The following GALNT9 variants were observed in gnomAD, a reference collection of about 807,000 sequenced individuals.
GALNT9 encodes the protein polypeptide N-acetylgalactosaminyltransferase 9, also known as GalNAc transferase 9.
In GALNT9, 47 loss-of-function variants were observed where a neutral mutation model predicts 63.1. That is an observed-to-expected ratio of 0.75 (90% CI 0.59 to 0.95). The LOEUF (loss-of-function observed/expected upper bound fraction) is 0.95. Among genes scored for constraint, GALNT9 ranks in the 40% least tolerant of loss-of-function variants. The probability of loss-of-function intolerance (pLI) is 0.00; values close to 1 mark genes in which losing one functional copy is unlikely to be tolerated. For synonymous variants in GALNT9, 396 were observed against 365.7 expected (o/e 1.08, Z -0.94); for missense variants, 829 against 874.8 (o/e 0.95, Z 0.66).
rs1490389543 is a variant in GALNT9, at chr12:132,313,833, C to CCCAT, written c.238+15129_238+15132dup. ...ACCCATCCACCCACCCAGCCACCCA[C>CCCAT]CCATCCATCCACATATCTACCCATC... On this transcript the variant is annotated intron_variant, in intron 1 of 10. Coordinates refer to ENST00000328957, the MANE Select transcript of GALNT9 (RefSeq NM_001122636.2). Among the ~76,000 whole-genome samples the CCCAT allele has an allele frequency of 2.9e-3, 268 of 92,484 alleles. 3 individuals carry two copies. Among genetic ancestry groups the CCCAT allele is most frequent in the African/African-American group, 8.6e-3 (193 of 22,568 alleles). 60.7% of individuals were successfully genotyped at this position (92,484 alleles called of 152,430 possible).
intron 1 of GALNT9, among the ~76,000 whole-genome samples, chr12:132,308,127 G>A (rs529117406): frequency 8.5e-4 from 130 of 152,316 alleles, no homozygotes; most frequent in Non-Finnish European, 1.7e-3. Flanking sequence ...TGCGTGTGAC[G>A]GAGGCAGAGG....
At chr12:132,203,478 C>T in intron 7 of GALNT9, 27 bp downstream of exon 7, 1 of 1,610,842 alleles carries the variant, frequency 6.2e-7, no homozygotes, top group Non-Finnish European at 8.5e-7. Flanking sequence ...GGGCATGGCC[C>T]CGGCTCCCGG....
In GALNT9 at chr12:132,245,738, C is replaced by T. The variant is rs114189081; in HGVS notation, c.1077+2172G>A. Among the ~76,000 whole-genome samples, 983 of 152,376 alleles carry T rather than the reference C, an allele frequency of 6.5e-3. 14 individuals carry two copies. The highest frequency in any genetic ancestry group is 0.022 in the African/African-American group (929 of 41,598). On this transcript the variant is annotated intron_variant, in intron 6 of 10. Coordinates refer to ENST00000328957, the MANE Select transcript of GALNT9 (RefSeq NM_001122636.2). This position sits in a 1 kb window ranked among gnomAD's most constrained non-coding sequence, Gnocchi z 6.3. ...TGAGCCTGAGCCTGGGATGCACCCA[C>T]GACCCAGCCTCCTGGGACCTCCTCT...
intron 2 of GALNT9, among the ~76,000 whole-genome samples, chr12:132,268,222 C>A (rs1879727772): frequency 6.6e-6 from 1 of 152,022 alleles, no homozygotes; most frequent in Non-Finnish European, 1.5e-5. Context: ...CACACATTCA[C>A]ACACACTCAT....
At chr12:132,294,016 A>G (rs1880959355) in intron 1 of GALNT9, among the ~76,000 whole-genome samples, 1 of 152,264 alleles carries the variant, frequency 6.6e-6, no homozygotes, top group South Asian at 2.1e-4. Context: ...GTGGAAGACC[A>G]CGAGCATTTG....
intron 1 of GALNT9, among the ~76,000 whole-genome samples, chr12:132,317,590 A>T (rs910448822): frequency 5.3e-5 from 8 of 152,242 alleles, no homozygotes; most frequent in Admixed American, 2.6e-4. Context: ...TTATCCATAA[A>T]CGTGTAAATA....
intron 6 of GALNT9, among the ~76,000 whole-genome samples, chr12:132,227,032 ACACACC>A (rs1332573084): frequency 0.016 from 2,321 of 149,728 alleles, 26 homozygotes; most frequent in African/African-American, 0.035. Context: ...CCATACACAC[ACACACC>A]CACACCCACA....
At chr12:132,283,651 C>T (rs575552609) in intron 2 of GALNT9, 3 of 152,278 alleles carry the variant, frequency 2.0e-5, no homozygotes, top group Admixed American at 1.3e-4. Flanking sequence ...ACGAGACCAG[C>T]CCAGTGAGGA....
At chr12:132,253,086 G>A (rs1319050821) in intron 5 of GALNT9, among the ~76,000 whole-genome samples, 2 of 152,122 alleles carry the variant, frequency 1.3e-5, no homozygotes, top group African/African-American at 4.8e-5. Context: ...AAATGTCAGC[G>A]TTTTCTTCTA....
At chr12:132,203,464 C>T in intron 7 of GALNT9, 41 bp downstream of exon 7, 2 of 1,604,768 alleles carry the variant, frequency 1.2e-6, no homozygotes, top group Non-Finnish European at 1.7e-6. Context: ...TGACCCCGAC[C>T]CTGGGGCATG....
In GALNT9 at chr12:132,329,135, C is replaced by A. The variant is rs782350374; in HGVS notation, c.69G>T (p.Leu23=). Residue 23 remains leucine, a synonymous_variant, in exon 1 of 11, where the codon CTG becomes CTT. Coordinates refer to ENST00000328957, the MANE Select transcript of GALNT9 (RefSeq NM_001122636.2). ...CCTGCAGGCGGCAGTACACGGAGAACAGGACGATGCCCACGAACACCAGGA... is the reference window on the plus strand; with the variant it reads ...CCTGCAGGCGGCAGTACACGGAGAAAAGGACGATGCCCACGAACACCAGGA... ...VNILVFVGIV[L]FSVYCRLQGR... The A allele has an allele frequency of 1.4e-5, 21 of 1,549,492 alleles. No homozygotes were observed. The highest frequency in any genetic ancestry group is 1.8e-5 in the Non-Finnish European group (21 of 1,146,542).
intron 6 of GALNT9, among the ~76,000 whole-genome samples, chr12:132,219,582 T>C (rs1024057977): frequency 6.6e-5 from 10 of 151,934 alleles, no homozygotes; most frequent in African/African-American, 2.4e-4. Context: ...GAACAGACAC[T>C]GAAACCAGCT....
chr12:132,292,881 C>T (rs924466025), intron 1 of GALNT9, among the ~76,000 whole-genome samples: 2 of 152,148 alleles, frequency 1.3e-5, no homozygotes, highest in Non-Finnish European at 1.5e-5. Flanking sequence ...GACGCCGCCT[C>T]GCATGTGCAG....
intron 5 of GALNT9, among the ~76,000 whole-genome samples, chr12:132,254,372 G>A (rs1879037024): frequency 6.6e-6 from 1 of 152,248 alleles, no homozygotes; most frequent in Non-Finnish European, 1.5e-5. Context: ...TGCAAAAGGA[G>A]AAAGATGAGC....
At chr12:132,283,991 C>T (rs949598344) in intron 2 of GALNT9, 4 of 152,252 alleles carry the variant, frequency 2.6e-5, no homozygotes, top group African/African-American at 9.7e-5. Context: ...GTGCTCACTC[C>T]AGCAGTGGGG....
intron 2 of GALNT9, among the ~76,000 whole-genome samples, chr12:132,266,590 G>A (rs1555240225): frequency 6.6e-6 from 1 of 152,246 alleles, no homozygotes; most frequent in Non-Finnish European, 1.5e-5. Context: ...GCTGGGAGAG[G>A]CAGGAGGGAT....
At chr12:132,317,885 T>C (rs1555245837) in intron 1 of GALNT9, among the ~76,000 whole-genome samples, 1 of 152,224 alleles carries the variant, frequency 6.6e-6, no homozygotes, top group African/African-American at 2.4e-5. Context: ...ATTATTTCCC[T>C]GGCGCTCCAC....
At chr12:132,221,114 C>G (rs28645727) in intron 6 of GALNT9, among the ~76,000 whole-genome samples, 106,224 of 137,518 alleles carry the variant, frequency 0.77, 40,979 homozygotes, top group African/African-American at 0.79. Context: ...CCAGCACTTT[C>G]GGAGGCCAAG....
Position 132,313,715 on chromosome 12 carries a change from C to T in GALNT9, c.238+15251G>A, listed in dbSNP as rs531928559. On this transcript the variant is annotated intron_variant, in intron 1 of 10. Transcript: ENST00000328957. ...CCATTCACCCACCTACCCATCCACCCACTCATCCATCCACCTGCCTACTCA... is the reference window on the plus strand; with the variant it reads ...CCATTCACCCACCTACCCATCCACCTACTCATCCATCCACCTGCCTACTCA... Among the ~76,000 whole-genome samples, 39 of 147,148 alleles carry T rather than the reference C, an allele frequency of 2.7e-4. No homozygotes were observed. In the East Asian group the frequency reaches 8.0e-3, roughly 30 times the overall value.
Sources: allele counts gnomAD v4.1 joint callset (sites outside exome capture counted in the v4.1 genomes callset), GRCh38; gene constraint gnomAD v4.1.1; non-coding constraint Gnocchi (gnomAD v3.1); transcripts MANE v1.5; gene names NCBI Gene and HGNC (gene_info 2026-07-23, HGNC 2026-07-21).